ANKRD44: variants seen among roughly 807,000 people sequenced by gnomAD.
ANKRD44 encodes serine/threonine-protein phosphatase 6 regulatory ankyrin repeat subunit B.
Under a neutral mutation model 116.0 loss-of-function variants are expected in ANKRD44, and 35 were observed. The ratio of observed to expected loss-of-function variants is 0.30; its 90% confidence interval spans 0.23 to 0.40. The LOEUF (loss-of-function observed/expected upper bound fraction) is 0.40, where lower values mean the gene tolerates loss of function less well. Ranked by LOEUF, ANKRD44 falls within the 10% of genes least tolerant of loss-of-function variation. ANKRD44 has a pLI of 1.00. For synonymous variants in ANKRD44, 435 were observed against 461.8 expected, an observed-to-expected ratio of 0.94 and a Z score of 0.74; for missense variants, 1,014 against 1,242.6, an observed-to-expected ratio of 0.82 and a Z score of 2.77.
chr2:197,098,387 T>A (rs1346569389), intron 10 of ANKRD44, among the ~76,000 whole-genome samples: 1 of 152,224 alleles, frequency 6.6e-6, no homozygotes, highest in African/African-American at 2.4e-5. Context: ...TCCCACTGCG[T>A]CTTCCCCAGG....
intron 21 of ANKRD44, among the ~76,000 whole-genome samples, chr2:196,975,037 T>C (rs956362034): frequency 6.6e-6 from 1 of 152,060 alleles, no homozygotes; most frequent in Non-Finnish European, 1.5e-5. Context: ...GTTGGTTCTT[T>C]GAAAAATCAG....
chr2:197,155,277 TC>T (rs1177698138), intron 2 of ANKRD44, among the ~76,000 whole-genome samples: 1 of 152,202 alleles, frequency 6.6e-6, no homozygotes, highest in Non-Finnish European at 1.5e-5. Context: ...GAGTAACTTG[TC>T]CAGAGTCACA....
intron 16 of ANKRD44, among the ~76,000 whole-genome samples, chr2:197,055,887 T>C (rs1466463966): frequency 1.3e-5 from 2 of 152,186 alleles, no homozygotes; most frequent in African/African-American, 4.8e-5. Flanking sequence ...ACTGTTTTCA[T>C]TACTATAGCT....
chr2:197,233,214 C>A (rs2081906769), intron 1 of ANKRD44, among the ~76,000 whole-genome samples: 1 of 152,136 alleles, frequency 6.6e-6, no homozygotes, highest in Non-Finnish European at 1.5e-5. Flanking sequence ...GGACTGCTTA[C>A]TCCTGTGTTG....
rs2075853443 is a variant in ANKRD44 at position 196,987,685 on chromosome 2, G to A, written c.*1906C>T. On this transcript the variant is annotated 3_prime_UTR_variant, in exon 28 of 28. Transcript: ENST00000282272. ...TACTGTAGAATCATAGCAGATTTTA[G>A]GCAATTTGGAGATAGTAATGTATTT... 1.0e-6 allele frequency: 1 copy of A among 985,250 alleles called. No individual in the cohort carries two copies. Among genetic ancestry groups the A allele is most frequent in the African/African-American group, 1.7e-5 (1 of 57,206 alleles). The allele number at this position is 985,250 out of a possible 1,614,324, so 61.0% of individuals were successfully genotyped here. A position where few individuals can be genotyped will look rare whatever the true frequency, so the allele number is the denominator to read the frequency against.
chr2:197,062,560 G>C (rs1027563848), intron 16 of ANKRD44, among the ~76,000 whole-genome samples: 2 of 152,202 alleles, frequency 1.3e-5, no homozygotes, highest in African/African-American at 4.8e-5. Flanking sequence ...AGCGCAAGGG[G>C]TCAGGGAATT....
chr2:197,193,807 G>A (rs546789243), intron 1 of ANKRD44, among the ~76,000 whole-genome samples: 4 of 152,186 alleles, frequency 2.6e-5, no homozygotes, highest in South Asian at 4.1e-4. Context: ...GCGTGAACCC[G>A]GGAGGCAGAG....
rs993582242 is a variant in ANKRD44 at position 197,151,945 on chromosome 2, GA to G, written c.112-4841del. The stretch of plus-strand genomic sequence containing the variant: ...CTGTGCAGTAAGTCTCAACTGCCAA[GA>G]AAAAAAAAAATCTCTTCTGAATTGG... On this transcript the variant is annotated intron_variant, in intron 2 of 27. Coordinates refer to ENST00000282272, the MANE Select transcript of ANKRD44 (RefSeq NM_001195144.2). Among the ~76,000 whole-genome samples, 90 of 146,980 alleles carry G rather than the reference GA, an allele frequency of 6.1e-4. 1 individual carries two copies. The highest frequency in any genetic ancestry group is 1.8e-3 in the African/African-American group (71 of 40,326).
intron 4 of ANKRD44, chr2:197,134,324 A>G (rs1017721915): frequency 2.0e-5 from 3 of 152,080 alleles, no homozygotes; most frequent in African/African-American, 7.2e-5. Flanking sequence ...ATGAGCTCAT[A>G]TGTGACCCAA....
intron 22 of ANKRD44, among the ~76,000 whole-genome samples, chr2:197,001,502 C>T (rs1169941179): frequency 6.6e-6 from 1 of 152,172 alleles, no homozygotes; most frequent in Non-Finnish European, 1.5e-5. Flanking sequence ...GGGTAATGCA[C>T]CTCTCACTCT....
At chr2:197,102,091 C>T (rs1039802221) in intron 9 of ANKRD44, among the ~76,000 whole-genome samples, 7 of 152,020 alleles carry the variant, frequency 4.6e-5, no homozygotes, top group African/African-American at 1.4e-4. Context: ...AAAAAAAATC[C>T]CCCTACTTAA....
intron 23 of ANKRD44, 29 bp from the exon 24 acceptor site, chr2:196,999,081 G>A: frequency 6.2e-7 from 1 of 1,610,848 alleles, no homozygotes; most frequent in Non-Finnish European, 8.5e-7. Context: ...TATCACTTTA[G>A]TTTCCTTTAA....
chr2:197,073,897 AT>A (rs1161327418), intron 16 of ANKRD44, among the ~76,000 whole-genome samples: 2 of 152,222 alleles, frequency 1.3e-5, no homozygotes. Context: ...GAAATGTTCT[AT>A]TTTAACACAT....
intron 16 of ANKRD44, among the ~76,000 whole-genome samples, chr2:197,066,980 A>G (rs1399149005): frequency 2.0e-5 from 3 of 152,234 alleles, no homozygotes; most frequent in Admixed American, 6.5e-5. Context: ...TGCCAAGACA[A>G]TCCTAAGCCA....
intron 21 of ANKRD44, 70 bp from the exon 22 acceptor site, chr2:197,001,910 A>G (rs1357113500): frequency 3.5e-6 from 4 of 1,151,616 alleles, no homozygotes; most frequent in South Asian, 2.6e-5. Flanking sequence ...CTGCTTTTTC[A>G]TTAAGTATTG....
intron 1 of ANKRD44, among the ~76,000 whole-genome samples, chr2:197,295,050 G>C (rs1201015072): frequency 6.6e-6 from 1 of 152,138 alleles, no homozygotes; most frequent in Non-Finnish European, 1.5e-5. Flanking sequence ...AAAAAGTTGA[G>C]TACAAACAAA....
chr2:197,005,988 G>A, intron 20 of ANKRD44, 78 bp from the exon 21 acceptor site: 1 of 1,386,066 alleles, frequency 7.2e-7, no homozygotes, highest in South Asian at 1.2e-5. Context: ...GTGAGGCTGG[G>A]CTTAGAGCAA....
At chr2:197,298,258 G>C (rs2083783869) in intron 1 of ANKRD44, among the ~76,000 whole-genome samples, 1 of 152,108 alleles carries the variant, frequency 6.6e-6, no homozygotes, top group Non-Finnish European at 1.5e-5. Flanking sequence ...GCGATTTTTG[G>C]CAACTCTAGT....
chr2:197,073,346 T>C (rs1163761643), intron 16 of ANKRD44, among the ~76,000 whole-genome samples: 1 of 152,126 alleles, frequency 6.6e-6, no homozygotes, highest in Admixed American at 6.5e-5. Context: ...TATATTCCCC[T>C]CTCCACACTA....
Sources: allele counts gnomAD v4.1 joint callset (sites outside exome capture counted in the v4.1 genomes callset), GRCh38; gene constraint gnomAD v4.1.1; transcripts MANE v1.5; gene names NCBI Gene and HGNC (gene_info 2026-07-23, HGNC 2026-07-21).